SLC43A1: variants seen among roughly 807,000 people sequenced by gnomAD.
SLC43A1 encodes large neutral amino acids transporter small subunit 3.
SLC43A1 carries 31 observed loss-of-function variants against 59.5 expected under a neutral mutation model. The ratio of observed to expected loss-of-function variants is 0.52; its 90% CI spans 0.39 to 0.70. The LOEUF is 0.70. SLC43A1 is among the 30% of genes least tolerant of loss of function. SLC43A1 has a pLI of 0.00. For missense variants in SLC43A1, 598 were observed against 717.8 expected (o/e 0.83, Z 1.91); for synonymous variants, 259 against 290.9 (o/e 0.89, Z 1.12).
chr11:57,503,124 G>T (rs1357926991), intron 2 of SLC43A1, among the ~76,000 whole-genome samples: 1 of 152,046 alleles, frequency 6.6e-6, no homozygotes, highest in African/African-American at 2.4e-5. Context: ...GACCAGCCAT[G>T]GAAGGAACTG....
At position 57,515,645 on chromosome 11, in the gene SLC43A1, G is replaced by A. The variant is rs190065757; in HGVS notation, c.-215C>T. 4 of 152,436 alleles carry A rather than the reference G, an allele frequency of 2.6e-5. No homozygotes were observed. The East Asian group carries it at 7.7e-4, about 29-fold the overall frequency. The allele number at this position is 152,436 out of a possible 1,614,324, so 9.4% of individuals were successfully genotyped here. ...CCTCCGCTGTCTCCTCGGAAGAAGCGGGGGAACTGGGAACCCGCCGGGCGC... is the reference window on the plus strand; with the variant it reads ...CCTCCGCTGTCTCCTCGGAAGAAGCAGGGGAACTGGGAACCCGCCGGGCGC... On this transcript the variant is annotated 5_prime_UTR_variant, in exon 1 of 15. Coordinates refer to ENST00000278426, the MANE Select transcript of SLC43A1 (RefSeq NM_003627.6). The surrounding 1 kb of genome is among the most constrained non-coding windows in gnomAD (Gnocchi z 5.3).
At chr11:57,510,671 A>T (rs1944515843) in intron 2 of SLC43A1, among the ~76,000 whole-genome samples, 1 of 151,666 alleles carries the variant, frequency 6.6e-6, no homozygotes. Flanking sequence ...GAAATTAAAA[A>T]TTAAAAAATT....
intron 12 of SLC43A1, 58 bp from the exon 13 acceptor site, chr11:57,489,047 G>A: frequency 6.4e-7 from 1 of 1,560,572 alleles, no homozygotes; most frequent in South Asian, 1.1e-5. Context: ...CTGGAGGAAG[G>A]AGGGGTAGGG....
At chr11:57,491,179 A>G in intron 11 of SLC43A1, 45 bp downstream of exon 11, 2 of 1,483,680 alleles carry the variant, frequency 1.3e-6, no homozygotes, top group Non-Finnish European at 9.0e-7. Flanking sequence ...AATGAAAAGC[A>G]CTGCCTGACC....
At chr11:57,508,227 A>G (rs505057) in intron 2 of SLC43A1, among the ~76,000 whole-genome samples, 1 of 151,662 alleles carries the variant, frequency 6.6e-6, no homozygotes, top group East Asian at 1.9e-4. Flanking sequence ...AGATCGCACC[A>G]CTGCACTCCA....
In SLC43A1 at chr11:57,514,620, T is replaced by TCC. The variant is rs201999976; in HGVS notation, c.-13-498_-13-497dup. 5.8e-3 allele frequency: 958 copies of TCC among 165,338 alleles called. 11 individuals carry two copies. The highest frequency in any genetic ancestry group is 0.021 in the African/African-American group (889 of 41,618). The allele number at this position is 165,338 out of a possible 1,614,324, so 10.2% of individuals were successfully genotyped here. ...CTTCCAGTTGCCCCTCCAAGACCTC[T>TCC]CCTTCCCTCTGGGGCCGGGCGACAG... On this transcript the variant is annotated intron_variant, in intron 1 of 14. Coordinates refer to ENST00000278426, the MANE Select transcript of SLC43A1 (RefSeq NM_003627.6). This position sits in a 1 kb window ranked among gnomAD's most constrained non-coding sequence, Gnocchi z 5.5.
At chr11:57,502,153 G>A (rs544809916) in intron 2 of SLC43A1, among the ~76,000 whole-genome samples, 7 of 152,204 alleles carry the variant, frequency 4.6e-5, no homozygotes, top group Non-Finnish European at 8.8e-5. Flanking sequence ...GGAGACAAAG[G>A]GCTGCTTCGC....
intron 12 of SLC43A1, 95 bp from the exon 13 acceptor site, chr11:57,489,084 C>T: frequency 6.9e-7 from 1 of 1,448,396 alleles, no homozygotes; most frequent in South Asian, 1.2e-5. Context: ...GCCTCAATTC[C>T]CACCCCCTCG....
chr11:57,496,236 C>A, intron 6 of SLC43A1, 72 bp from the exon 7 acceptor site: 1 of 1,549,580 alleles, frequency 6.5e-7, no homozygotes, highest in Non-Finnish European at 8.7e-7. Flanking sequence ...GATCCCAGGC[C>A]TCAGAGGCCT....
intron 6 of SLC43A1, 23 bp from the exon 7 acceptor site, chr11:57,496,187 C>G (rs773709557): frequency 2.5e-6 from 4 of 1,612,662 alleles, no homozygotes; most frequent in Non-Finnish European, 3.4e-6. Flanking sequence ...GGGGCAGGCC[C>G]GTGGGGGAGA....
At position 57,496,030 on chromosome 11, in the gene SLC43A1, C is replaced by G. The variant is rs781163962; in HGVS notation, c.692+1G>C. ...AGTCTCTGCCCACTCCAGCCACTCA[C>G]GTGTAATTGACTTCCTCAGGGGCAG... On this transcript the variant is annotated splice_donor_variant, in intron 7 of 14. Coordinates refer to ENST00000278426, the MANE Select transcript of SLC43A1 (RefSeq NM_003627.6). LOFTEE classifies it high-confidence loss of function. 1.2e-6 allele frequency: 2 copies of G among 1,613,878 alleles called. No individual in the cohort carries two copies. The highest frequency in any genetic ancestry group is 1.7e-6 in the Non-Finnish European group (2 of 1,179,870).
chr11:57,500,337 C>T (rs897321585), intron 5 of SLC43A1, among the ~76,000 whole-genome samples: 1 of 152,208 alleles, frequency 6.6e-6, no homozygotes, highest in African/African-American at 2.4e-5. Context: ...CAAGCTGCTC[C>T]CTCCCCCTCA....
chr11:57,496,290 G>T, intron 6 of SLC43A1, 126 bp from the exon 7 acceptor site: 1 of 1,111,544 alleles, frequency 9.0e-7, no homozygotes, highest in Non-Finnish European at 1.2e-6. Flanking sequence ...CCAATTTGCA[G>T]ATGAGGAAAC....
chr11:57,492,536 G>A (rs1156507902), intron 8 of SLC43A1, among the ~76,000 whole-genome samples: 12 of 79,854 alleles, frequency 1.5e-4, no homozygotes, highest in South Asian at 4.2e-4. Flanking sequence ...ATAATTTTGT[G>A]TATATATATA....
At chr11:57,495,769 A>G (rs1030098335) in intron 7 of SLC43A1, among the ~76,000 whole-genome samples, 4 of 152,080 alleles carry the variant, frequency 2.6e-5, no homozygotes, top group Non-Finnish European at 5.9e-5. Context: ...GGTTGCAGTG[A>G]GCCAGGACCA....
At chr11:57,494,521 C>T in intron 7 of SLC43A1, 1 of 304,684 alleles carries the variant, frequency 3.3e-6, no homozygotes, top group Non-Finnish European at 6.1e-6. Flanking sequence ...ACTTTGTTCC[C>T]TGTACTTTTG....
At position 57,493,981 on chromosome 11, in the gene SLC43A1, C is replaced by CCAGA. The variant is rs748975819; in HGVS notation, c.871+8_871+11dup. 7 of 1,575,568 alleles carry CCAGA rather than the reference C, an allele frequency of 4.4e-6. No homozygotes were observed. Among genetic ancestry groups the CCAGA allele is most frequent in the Non-Finnish European group, 6.0e-6 (7 of 1,162,422 alleles). ...CTATCCCCCAAGGCCGGCACCTTGA[C>CCAGA]CAGACACTCACTCTCAGGAAGGTTT... On this transcript the variant is annotated intron_variant, in intron 8 of 14. Coordinates refer to ENST00000278426, the MANE Select transcript of SLC43A1 (RefSeq NM_003627.6).
chr11:57,502,457 C>G (rs146424626), intron 2 of SLC43A1, among the ~76,000 whole-genome samples: 1 of 152,338 alleles, frequency 6.6e-6, no homozygotes, highest in East Asian at 1.9e-4. Flanking sequence ...CCTGAAGGAT[C>G]TGAGGAAGGG....
Position 57,514,450 on chromosome 11 carries a change from C to T in SLC43A1, c.-13-326G>A. On this transcript the variant is annotated intron_variant, in intron 1 of 14. Coordinates refer to ENST00000278426, the MANE Select transcript of SLC43A1 (RefSeq NM_003627.6). The surrounding 1 kb of genome is among the most constrained non-coding windows in gnomAD (Gnocchi z 5.5). ...GGGCCGGGCTGCTGGGGAGAAAGTC[C>T]GCATCTGCCCAGGTCCCCAGAGGAC... is the stretch of plus-strand genomic sequence containing the variant. 4 of 298,306 alleles carry T rather than the reference C, an allele frequency of 1.3e-5. No homozygotes were observed. In the South Asian group the frequency reaches 1.8e-4, roughly 13 times the overall value. The allele number at this position is 298,306 out of a possible 1,614,324, so 18.5% of individuals were successfully genotyped here. A position where few individuals can be genotyped will look rare whatever the true frequency, so the allele number is the denominator to read the frequency against.
Sources: gnomAD v4.1 joint callset for allele counts (sites outside exome capture counted in the v4.1 genomes callset) on GRCh38, gnomAD v4.1.1 for gene constraint, Gnocchi (gnomAD v3.1) non-coding constraint, MANE v1.5 for transcripts, NCBI Gene and HGNC (gene_info 2026-07-23, HGNC 2026-07-21) for gene names.